Variants in PTPN21 observed in about 807,000 individuals in gnomAD.
The protein encoded by PTPN21 is protein tyrosine phosphatase non-receptor type 21.
PTPN21 carries 77 observed loss-of-function variants against 131.8 expected under a neutral mutation model. The observed-to-expected ratio is 0.58, with a 90% CI of 0.49 to 0.71. The LOEUF (loss-of-function observed/expected upper bound fraction) is 0.71, where lower values mean the gene tolerates loss of function less well. PTPN21 is among the 30% of genes least tolerant of loss of function. The pLI, the probability that PTPN21 is intolerant of heterozygous loss-of-function variation, is 0.00. For synonymous variants in PTPN21, 715 were observed against 621.3 expected (o/e 1.15, Z -2.24); for missense variants, 1,552 against 1,527.1 (o/e 1.02, Z -0.27).
chr14:88,534,235 G>A (rs947851698), intron 2 of PTPN21, among the ~76,000 whole-genome samples: 13 of 151,050 alleles, frequency 8.6e-5, no homozygotes, highest in Non-Finnish European at 1.5e-4. Context: ...AAGGGGGGGC[G>A]GGGGGCGCTT....
At chr14:88,475,760 G>A (rs1192918874) in intron 13 of PTPN21, among the ~76,000 whole-genome samples, 1 of 152,170 alleles carries the variant, frequency 6.6e-6, no homozygotes, top group African/African-American at 2.4e-5. Context: ...GAACATTTAA[G>A]TCGGCTCTTG....
At chr14:88,503,134 C>T (rs2078038113) in intron 6 of PTPN21, among the ~76,000 whole-genome samples, 1 of 151,566 alleles carries the variant, frequency 6.6e-6, no homozygotes, top group Admixed American at 6.6e-5. Context: ...CTCCCAGGTT[C>T]AAGCGAATCC....
At chr14:88,486,285 G>A (rs1026338665) in intron 10 of PTPN21, among the ~76,000 whole-genome samples, 1 of 152,146 alleles carries the variant, frequency 6.6e-6, no homozygotes, top group African/African-American at 2.4e-5. Flanking sequence ...TTCCTCCCGG[G>A]GGACCATCCA....
chr14:88,479,464 G>A lies in PTPN21; in HGVS notation c.1967C>T (p.Thr656Ile), dbSNP rs769905401. ...CACCTCTGCCGCCGACGCGGATAGG[G>A]TGCGCTCCTTGAGCCGCAGGCCCTC... ...GLEGLRLKER[T>I]LSASAAEVAP... The change falls in exon 13 of 19, where the codon ACC becomes ATC. Residue 656 changes from threonine (T) to isoleucine (I), a missense_variant. Coordinates refer to ENST00000556564, the MANE Select transcript of PTPN21 (RefSeq NM_007039.4). 6.2e-6 allele frequency: 10 copies of A among 1,602,712 alleles called. No individual in the cohort carries two copies. Among genetic ancestry groups the A allele is most frequent in the Non-Finnish European group, 8.5e-6 (10 of 1,179,120 alleles).
intron 2 of PTPN21, among the ~76,000 whole-genome samples, chr14:88,535,649 C>G (rs542718970): frequency 1.6e-4 from 24 of 152,288 alleles, no homozygotes; most frequent in Admixed American, 1.5e-3. Context: ...TCAGGTATGA[C>G]AGAAAATAGA....
chr14:88,473,612 T>C (rs1459639566), intron 14 of PTPN21, 53 bp downstream of exon 14: 1 of 1,568,496 alleles, frequency 6.4e-7, no homozygotes, highest in African/African-American at 1.4e-5. Context: ...ATTTGCGTAG[T>C]ATTTACCGGT....
intron 2 of PTPN21, among the ~76,000 whole-genome samples, chr14:88,532,081 T>A (rs1416134433): frequency 6.6e-6 from 1 of 150,382 alleles, no homozygotes; most frequent in African/African-American, 2.4e-5. Flanking sequence ...GACAGACCAA[T>A]AACAAGTATT....
intron 8 of PTPN21, among the ~76,000 whole-genome samples, chr14:88,497,829 G>A (rs775183451): frequency 3.3e-5 from 5 of 151,968 alleles, no homozygotes; most frequent in Non-Finnish European, 7.4e-5. Flanking sequence ...GTCAGGCATG[G>A]TGGCTCACGC....
chr14:88,545,005 T>A (rs893106307), intron 2 of PTPN21, among the ~76,000 whole-genome samples: 2 of 152,040 alleles, frequency 1.3e-5, no homozygotes, highest in Non-Finnish European at 2.9e-5. Context: ...TTTTTTTGTA[T>A]TTTTAGTAGA....
At chr14:88,543,306 T>A (rs368899033) in intron 2 of PTPN21, among the ~76,000 whole-genome samples, 1 of 152,250 alleles carries the variant, frequency 6.6e-6, no homozygotes. Flanking sequence ...AAGCTGACAC[T>A]CCCTTGACAC....
intron 3 of PTPN21, chr14:88,512,550 T>C (rs1476012433): frequency 6.6e-6 from 1 of 152,212 alleles, no homozygotes; most frequent in Non-Finnish European, 1.5e-5. Flanking sequence ...CATGGGGTCA[T>C]TTGGCAAGTT....
chr14:88,513,203 C>T lies in PTPN21; in HGVS notation c.350+3889G>A, dbSNP rs539419331. On this transcript the variant is annotated intron_variant, in intron 3 of 18. Coordinates refer to ENST00000556564, the MANE Select transcript of PTPN21 (RefSeq NM_007039.4). ...TTTGTTTGAGATGGGCTCTCACCGT[C>T]GCCCAGGCTGGAGTGCAGTAGCGTG... Among the ~76,000 whole-genome samples, 72 of 152,228 alleles carry T rather than the reference C, an allele frequency of 4.7e-4. No individual in the cohort carries two copies. The Middle Eastern group carries it at 0.014, about 29-fold the overall frequency.
intron 2 of PTPN21, among the ~76,000 whole-genome samples, chr14:88,529,873 TTGGAAGGC>T (rs1436391274): frequency 2.6e-5 from 4 of 151,904 alleles, no homozygotes; most frequent in African/African-American, 9.7e-5. Context: ...TCCCAGCTAC[TTGGAAGGC>T]TGAGGCCAGA....
At chr14:88,517,366 T>A in intron 2 of PTPN21, 105 bp from the exon 3 acceptor site, 3 of 1,253,152 alleles carry the variant, frequency 2.4e-6, no homozygotes, top group Non-Finnish European at 3.4e-6. Context: ...AGCAGTCTCT[T>A]ATTGCCTTTC....
intron 2 of PTPN21, among the ~76,000 whole-genome samples, chr14:88,537,327 C>T (rs1470038800): frequency 6.6e-6 from 1 of 152,180 alleles, no homozygotes; most frequent in Non-Finnish European, 1.5e-5. Flanking sequence ...ACTGAGATTA[C>T]TGTCCACATG....
intron 2 of PTPN21, among the ~76,000 whole-genome samples, chr14:88,525,476 T>A (rs2078460949): frequency 6.6e-6 from 1 of 152,150 alleles, no homozygotes; most frequent in Admixed American, 6.6e-5. Context: ...ACATTGTTAG[T>A]CATTAGGGAA....
At chr14:88,470,087 G>A (rs1415804726) in intron 15 of PTPN21, 37 bp from the exon 16 acceptor site, 13 of 1,598,758 alleles carry the variant, frequency 8.1e-6, no homozygotes, top group Non-Finnish European at 1.1e-5. Flanking sequence ...TGATGTGTGG[G>A]TATAATATAC....
intron 2 of PTPN21, among the ~76,000 whole-genome samples, chr14:88,523,296 C>G (rs141487580): frequency 1.5e-4 from 23 of 151,916 alleles, no homozygotes; most frequent in African/African-American, 4.3e-4. Context: ...AAACATACCC[C>G]CCAAAATCAT....
rs573504534 is a variant in PTPN21, at chr14:88,522,948, A to T, written c.181-5687T>A. Among the ~76,000 whole-genome samples, 178 of 147,942 alleles carry T rather than the reference A, an allele frequency of 1.2e-3. 4 individuals are homozygous for T. Among genetic ancestry groups the T allele is most frequent in the African/African-American group, 4.0e-3 (162 of 40,598 alleles). On this transcript the variant is annotated intron_variant, in intron 2 of 18. Transcript: ENST00000556564. ...GCAAAGATTTTTCCTGGGTAAGACC[A>T]TTTTTTTTTTTGGCTCGTCTTGAAT...
Sources: allele counts gnomAD v4.1 joint callset (sites outside exome capture counted in the v4.1 genomes callset), GRCh38; gene constraint gnomAD v4.1.1; transcripts MANE v1.5; gene names NCBI Gene and HGNC (gene_info 2026-07-23, HGNC 2026-07-21).